The following STK3 variants were observed in gnomAD, a reference collection of about 807,000 sequenced individuals.
STK3 encodes the protein serine/threonine-protein kinase 3.
In STK3, 41 loss-of-function variants were observed where a neutral mutation model predicts 58.0. The observed-to-expected ratio is 0.71, with a 90% CI of 0.55 to 0.92. STK3 has a LOEUF of 0.92. STK3 is among the 40% of genes least tolerant of loss of function. STK3 has a pLI of 0.00. For synonymous variants in STK3, 170 were observed against 191.0 expected, an observed-to-expected ratio of 0.89 and a Z score of 0.91; for missense variants, 479 against 602.7, an observed-to-expected ratio of 0.79 and a Z score of 2.15.
intron 1 of STK3, among the ~76,000 whole-genome samples, chr8:98,795,125 T>TAC: frequency 1.0e-5 from 1 of 98,880 alleles, no homozygotes; most frequent in African/African-American, 4.1e-5. Flanking sequence ...TATATATATA[T>TAC]ATATACATAC....
At chr8:98,344,672 T>C in the STK3 span, among the ~76,000 whole-genome samples, 1 of 151,758 alleles carries the variant, frequency 6.6e-6, no homozygotes, top group East Asian at 1.9e-4. Context: ...GGCGGGCGGA[T>C]CACGAGGTCA....
chr8:98,360,759 G>A, the STK3 span, among the ~76,000 whole-genome samples: 1 of 152,256 alleles, frequency 6.6e-6, no homozygotes, highest in South Asian at 2.1e-4. Context: ...TTAACTAAAT[G>A]TCAAAGTAAA....
At chr8:98,919,076 C>G (rs1279231221) in intron 1 of STK3, among the ~76,000 whole-genome samples, 3 of 152,044 alleles carry the variant, frequency 2.0e-5, no homozygotes, top group Non-Finnish European at 4.4e-5. Context: ...ATTTCGCAAG[C>G]AAGATCTGCC....
chr8:98,875,178 G>A (rs1281045737), intron 3 of STK3: 3 of 152,160 alleles, frequency 2.0e-5, no homozygotes, highest in Admixed American at 2.0e-4. Context: ...TCAATTATGT[G>A]GAAATATTCA....
intron 6 of STK3, among the ~76,000 whole-genome samples, chr8:98,692,356 T>C (rs1167225436): frequency 1.3e-5 from 2 of 152,196 alleles, no homozygotes; most frequent in Non-Finnish European, 2.9e-5. Context: ...ATATGCTATA[T>C]ACATACAAAG....
intron 2 of STK3, among the ~76,000 whole-genome samples, chr8:98,434,490 A>T (rs1253496843): frequency 6.6e-6 from 1 of 152,202 alleles, no homozygotes; most frequent in Non-Finnish European, 1.5e-5. Flanking sequence ...TTTCCACCCA[A>T]GGCCCTTACA....
chr8:98,576,715 T>C (rs926303552), intron 8 of STK3, among the ~76,000 whole-genome samples: 18 of 152,222 alleles, frequency 1.2e-4, no homozygotes, highest in African/African-American at 4.3e-4. Flanking sequence ...GAAATACAAC[T>C]GAGTTTTGTG....
At chr8:98,750,100 T>C (rs1205850775) in intron 3 of STK3, among the ~76,000 whole-genome samples, 1 of 151,882 alleles carries the variant, frequency 6.6e-6, no homozygotes, top group Non-Finnish European at 1.5e-5. Context: ...TGCATAGAGA[T>C]AGAAAATACA....
intron 7 of STK3, among the ~76,000 whole-genome samples, chr8:98,594,440 T>A (rs1586962728): frequency 6.6e-6 from 1 of 151,488 alleles, no homozygotes; most frequent in Non-Finnish European, 1.5e-5. Context: ...TCTCTACTAA[T>A]AATACAAAAA....
At chr8:98,367,389 C>T (rs573219895), downstream of STK3, among the ~76,000 whole-genome samples, 132 of 152,308 alleles carry the variant, frequency 8.7e-4, 2 homozygotes, top group Middle Eastern at 6.8e-3. Flanking sequence ...GATCGCTCCC[C>T]CTTCCACTCT....
chr8:98,839,864 A>G (rs1293412960), intron 3 of STK3, among the ~76,000 whole-genome samples: 2 of 152,196 alleles, frequency 1.3e-5, no homozygotes, highest in Non-Finnish European at 2.9e-5. Flanking sequence ...TGAGTAACTC[A>G]AAAGTAAAAA....
intron 1 of STK3, among the ~76,000 whole-genome samples, chr8:98,889,207 A>T (rs1226331837): frequency 6.6e-6 from 1 of 152,222 alleles, no homozygotes; most frequent in Non-Finnish European, 1.5e-5. Context: ...GAATTACAGA[A>T]CAAGATGGTA....
intron 1 of STK3, chr8:98,781,945 A>T (rs1402777894): frequency 6.5e-6 from 1 of 152,940 alleles, no homozygotes; most frequent in Non-Finnish European, 1.5e-5. Context: ...ACATACTCAC[A>T]GATGTTAAAG....
intron 1 of STK3, among the ~76,000 whole-genome samples, chr8:98,777,823 C>G (rs909978529): frequency 9.9e-5 from 15 of 152,266 alleles, no homozygotes; most frequent in East Asian, 7.7e-4. Context: ...ACTGGCTAGC[C>G]ATATGTAGAA....
chr8:98,638,027 T>C (rs1392077349), intron 6 of STK3, among the ~76,000 whole-genome samples: 1 of 152,194 alleles, frequency 6.6e-6, no homozygotes, highest in African/African-American at 2.4e-5. Context: ...CATGCTACTT[T>C]AGGTGTGTTT....
At chr8:98,415,519 C>G (rs1818104933) in intron 3 of STK3, among the ~76,000 whole-genome samples, 1 of 152,216 alleles carries the variant, frequency 6.6e-6, no homozygotes, top group South Asian at 2.1e-4. Flanking sequence ...CACTCCATCT[C>G]TATTCCCTCC....
intron 3 of STK3, among the ~76,000 whole-genome samples, chr8:98,853,462 T>C (rs1836552549): frequency 6.6e-6 from 1 of 152,228 alleles, no homozygotes; most frequent in Non-Finnish European, 1.5e-5. Context: ...ATTGCTGTTT[T>C]CCTTCCCCTG....
At chr8:98,639,110 CTTT>C (rs200636934) in intron 6 of STK3, among the ~76,000 whole-genome samples, 20 of 138,464 alleles carry the variant, frequency 1.4e-4, no homozygotes, top group South Asian at 7.1e-4. Flanking sequence ...AGGAGATACA[CTTT>C]TTTTTTTTTT....
At position 98,395,763 on chromosome 8, in the gene STK3, A is replaced by G. The variant is rs772215514; in HGVS notation, n.428-7516T>C. Among the ~76,000 whole-genome samples, 9 of 152,336 alleles carry G rather than the reference A, an allele frequency of 5.9e-5. No homozygotes were observed. In the South Asian group the frequency reaches 8.3e-4, roughly 14 times the overall value. ...TGTCACAACTGGGGAAGGATTACAA[A>G]CAATGTTAGTAAACCACCTACAAAA... On this transcript the variant is annotated intron_variant and non_coding_transcript_variant, in intron 3 of 5. Transcript: ENST00000649151.
Sources: gnomAD v4.1 joint callset for allele counts (sites outside exome capture counted in the v4.1 genomes callset) on GRCh38, gnomAD v4.1.1 for gene constraint, MANE v1.5 for transcripts, NCBI Gene and HGNC (gene_info 2026-07-23, HGNC 2026-07-21) for gene names.